ANTXRL: variants seen among roughly 807,000 people sequenced by gnomAD.
ANTXRL encodes the protein anthrax toxin receptor-like.
A neutral mutation model predicts 75.4 loss-of-function variants in ANTXRL; 63 were observed. The observed-to-expected ratio is 0.84, with a 90% CI of 0.68 to 1.03. The LOEUF is 1.03. Ranked by LOEUF, ANTXRL falls within the 50% of genes least tolerant of loss-of-function variation. The probability of loss-of-function intolerance (pLI) is 0.00; values close to 1 mark genes in which losing one functional copy is unlikely to be tolerated. For missense variants in ANTXRL, 797 were observed against 789.4 expected, an observed-to-expected ratio of 1.01 and a Z score of -0.12; for synonymous variants, 335 against 291.3, an observed-to-expected ratio of 1.15 and a Z score of -1.53.
At position 46,304,743 on chromosome 10, in the gene ANTXRL, C is replaced by T. The variant is rs570952943; in HGVS notation, c.895+1923C>T. ...GAGAGAAGCATGATGGAAGAGCCTG[C>T]CCAGGGCCATACAGTCCATGTTGCA... On this transcript the variant is annotated intron_variant, in intron 10 of 16. Transcript: ENST00000620264. Among the ~76,000 whole-genome samples the T allele has an allele frequency of 2.0e-5, 3 of 152,254 alleles. No individual in the cohort carries two copies. In the South Asian group the frequency reaches 6.2e-4, roughly 32 times the overall value.
intron 3 of ANTXRL, chr10:46,294,164 T>G: frequency 4.0e-6 from 2 of 505,220 alleles, no homozygotes; most frequent in Non-Finnish European, 7.1e-6. Flanking sequence ...CTCTCTCCGC[T>G]CTGCCTCCTT....
Position 46,330,084 on chromosome 10 carries a change from A to G in ANTXRL, c.1896A>G (p.Ter632=). The part of the protein sequence containing the change: ...LSLPPSEPNF[*] ...TCCCCCCCTCAGAGCCCAACTTCTA[A>G]GGCACCAAACACCCAAGATTAACAG... The change falls in exon 17 of 17, where the codon TAA becomes TAG. Residue 632 remains the stop codon, a stop_retained_variant. Coordinates refer to ENST00000620264, the MANE Select transcript of ANTXRL (RefSeq NM_001278688.3). The G allele has an allele frequency of 6.8e-7, 1 of 1,476,000 alleles. No homozygotes were observed. The highest frequency in any genetic ancestry group is 9.0e-7 in the Non-Finnish European group (1 of 1,106,742). 91.4% of individuals were successfully genotyped at this position (1,476,000 alleles called of 1,614,324 possible).
At chr10:46,306,091 CAGCGAGTCACTGCCCAG>C (rs1282590296) in intron 10 of ANTXRL, among the ~76,000 whole-genome samples, 5 of 152,208 alleles carry the variant, frequency 3.3e-5, no homozygotes, top group Non-Finnish European at 7.3e-5. Context: ...TTGACAAGGT[CAGCGAGTCACTGCCCAG>C]AGCATTGGCA....
intron 16 of ANTXRL, among the ~76,000 whole-genome samples, chr10:46,326,921 G>A (rs1290866547): frequency 6.6e-6 from 1 of 152,164 alleles, no homozygotes; most frequent in Non-Finnish European, 1.5e-5. Context: ...CCTGGGGCAG[G>A]CAGGGTGAGG....
chr10:46,287,365 C>G lies in ANTXRL; in HGVS notation c.103C>G (p.Pro35Ala). Reference sequence around the variant, plus strand: ...AGCAGGAAGCCTTCGGTACCATGGACCTGACTGGAGAATATTTCACCGCCT... The same window carrying G: ...AGCAGGAAGCCTTCGGTACCATGGAGCTGACTGGAGAATATTTCACCGCCT... Reference protein sequence around the residue: ...FRAGSLRYHGPDWRIFHRLAL... With the variant: ...FRAGSLRYHGADWRIFHRLAL... Residue 35 changes from proline to alanine, a missense_variant, in exon 1 of 17, where the codon CCT becomes GCT. Coordinates refer to ENST00000620264, the MANE Select transcript of ANTXRL (RefSeq NM_001278688.3). The G allele has an allele frequency of 2.6e-6, 4 of 1,536,034 alleles. No homozygotes were observed. Among genetic ancestry groups the G allele is most frequent in the Non-Finnish European group, 3.5e-6 (4 of 1,146,776 alleles).
chr10:46,304,642 A>C (rs113597874), intron 10 of ANTXRL, among the ~76,000 whole-genome samples: 4,763 of 152,214 alleles, frequency 0.031, 261 homozygotes, highest in African/African-American at 0.11. Flanking sequence ...CCTATTTGTC[A>C]TGGATTTTAT....
At chr10:46,310,361 TGTCCTGGTGCTCC>T (rs1423724917) in intron 13 of ANTXRL, 87 bp from the exon 14 acceptor site, 5 of 1,148,550 alleles carry the variant, frequency 4.4e-6, no homozygotes, top group Non-Finnish European at 6.3e-6. Flanking sequence ...GGCAGTGCTC[TGTCCTGGTGCTCC>T]AGGCCAGGGT....
chr10:46,330,066 C>CG lies in ANTXRL; in HGVS notation c.1878_1879insG (p.Ser627ValfsTer?), dbSNP rs1839427554. 3 of 1,519,148 alleles carry CG rather than the reference C, an allele frequency of 2.0e-6. No individual in the cohort carries two copies. Among genetic ancestry groups the CG allele is most frequent in the South Asian group, 1.2e-5 (1 of 81,778 alleles). The allele number at this position is 1,519,148 out of a possible 1,614,324, so 94.1% of individuals were successfully genotyped here. ...CAGAACCCCCTTTGTCACTCCCCCC[C>CG]TCAGAGCCCAACTTCTAAGGCACCA... On this transcript the variant is annotated frameshift_variant, in exon 17 of 17. Coordinates refer to ENST00000620264, the MANE Select transcript of ANTXRL (RefSeq NM_001278688.3). LOFTEE classifies it high-confidence loss of function.
rs1363560866 is a variant in ANTXRL, at chr10:46,311,475, G to A, written c.1174-35G>A. The A allele has an allele frequency of 2.0e-6, 3 of 1,505,518 alleles. No homozygotes were observed. In the East Asian group the frequency reaches 7.4e-5, roughly 37 times the overall value. The allele number at this position is 1,505,518 out of a possible 1,614,324, so 93.3% of individuals were successfully genotyped here. ...GAGTGGCCAGCACTGTGCCCTGCCA[G>A]CACTGTGAGCAGACAGTTGTTTTTC... On this transcript the variant is annotated intron_variant, in intron 14 of 16. Transcript: ENST00000620264.
chr10:46,292,218 TG>T (rs1837020780), intron 2 of ANTXRL, 89 bp downstream of exon 2: 2 of 1,299,786 alleles, frequency 1.5e-6, no homozygotes, highest in Admixed American at 4.0e-5. Context: ...TCAGATGGGG[TG>T]GGCGTGGGAG....
chr10:46,296,837 G>T (rs1837408115), intron 5 of ANTXRL, among the ~76,000 whole-genome samples: 1 of 152,126 alleles, frequency 6.6e-6, no homozygotes, highest in Non-Finnish European at 1.5e-5. Flanking sequence ...AGCAAGACCT[G>T]GCCCCCTGGG....
At chr10:46,311,083 G>A (rs1315044194) in intron 14 of ANTXRL, among the ~76,000 whole-genome samples, 3 of 152,092 alleles carry the variant, frequency 2.0e-5, no homozygotes, top group Non-Finnish European at 4.4e-5. Context: ...CCCACCCCAG[G>A]GGCCATGGGC....
At position 46,310,044 on chromosome 10, in the gene ANTXRL, G is replaced by A. The variant is rs782447134; in HGVS notation, c.1135-417G>A. 4.0e-4 allele frequency among the ~76,000 whole-genome samples: 61 copies of A among 152,284 alleles called. 1 individual carries two copies. In the Middle Eastern group the frequency reaches 0.01, roughly 25 times the overall value. ...CTCATGTCTGCATAGGGAGCTGCAAGGGGAGGAAGCCCGGGACTCAGCCAT... is the reference window on the plus strand; with the variant it reads ...CTCATGTCTGCATAGGGAGCTGCAAAGGGAGGAAGCCCGGGACTCAGCCAT... On this transcript the variant is annotated intron_variant, in intron 13 of 16. Transcript: ENST00000620264.
At chr10:46,311,125 G>C (rs1433292521) in intron 14 of ANTXRL, among the ~76,000 whole-genome samples, 5 of 152,114 alleles carry the variant, frequency 3.3e-5, no homozygotes, top group African/African-American at 1.2e-4. Flanking sequence ...GAGGCCCTGG[G>C]CCTGGGATGG....
intron 12 of ANTXRL, chr10:46,308,322 C>A: frequency 2.6e-6 from 1 of 384,618 alleles, no homozygotes; most frequent in Non-Finnish European, 5.1e-6. Flanking sequence ...GGGCTCCCAC[C>A]TCGCCAGCGG....
chr10:46,289,088 C>T (rs566347762), intron 1 of ANTXRL, among the ~76,000 whole-genome samples: 11 of 152,244 alleles, frequency 7.2e-5, no homozygotes, highest in African/African-American at 2.6e-4. Flanking sequence ...GAGAAACTTG[C>T]GGTAATCCTC....
rs2860238 is a variant in ANTXRL, at chr10:46,315,791, T to C, written c.1410+2475T>C. The stretch of plus-strand genomic sequence containing the variant: ...AGCAAATCCAAACATTTTTGCATTT[T>C]GGCACATAATAATGCAGGAAATTCT... On this transcript the variant is annotated intron_variant, in intron 16 of 16. Coordinates refer to ENST00000620264, the MANE Select transcript of ANTXRL (RefSeq NM_001278688.3). Among the ~76,000 whole-genome samples, 313 of 152,284 alleles carry C rather than the reference T, an allele frequency of 2.1e-3. 2 individuals carry two copies. Among genetic ancestry groups the C allele is most frequent in the African/African-American group, 6.2e-3 (256 of 41,540 alleles).
intron 9 of ANTXRL, among the ~76,000 whole-genome samples, chr10:46,298,990 C>T (rs1467693843): frequency 6.6e-6 from 1 of 151,834 alleles, no homozygotes; most frequent in Non-Finnish European, 1.5e-5. Flanking sequence ...GTTGTAACCT[C>T]ACAACGGTAA....
intron 16 of ANTXRL, among the ~76,000 whole-genome samples, chr10:46,327,047 C>T (rs1554966656): frequency 2.6e-5 from 4 of 152,078 alleles, no homozygotes; most frequent in Non-Finnish European, 5.9e-5. Context: ...AGGATGCTCC[C>T]CTTCAAGGAA....
Sources: gnomAD v4.1 joint callset for allele counts (sites outside exome capture counted in the v4.1 genomes callset) on GRCh38, gnomAD v4.1.1 for gene constraint, MANE v1.5 for transcripts, NCBI Gene and HGNC (gene_info 2026-07-23, HGNC 2026-07-21) for gene names.